The following EMC3 variants were observed in gnomAD, a reference collection of about 807,000 sequenced individuals.
EMC3 encodes ER membrane protein complex subunit 3, also known as 30 kDa protein.
A neutral mutation model predicts 36.6 loss-of-function variants in EMC3; 13 were observed. The ratio of observed to expected loss-of-function variants is 0.35; its 90% confidence interval spans 0.23 to 0.56. The LOEUF (loss-of-function observed/expected upper bound fraction) is 0.56, where lower values mean the gene tolerates loss of function less well. EMC3 is among the 20% of genes least tolerant of loss of function. The probability of loss-of-function intolerance (pLI) is 0.84; values close to 1 mark genes in which losing one functional copy is unlikely to be tolerated. For missense variants in EMC3, 220 were observed against 324.5 expected (o/e 0.68, Z 2.47); for synonymous variants, 120 against 111.9 (o/e 1.07, Z -0.46).
In EMC3 at chr3:9,986,789, G is replaced by C. The variant is rs1341408270; in HGVS notation, c.-128C>G. Reference sequence around the variant, plus strand: ...TGCCCGTGTACCCCAGAACTCTCCTGCGACTGTGAGCCGAGCTTACTGCCT... The same window carrying C: ...TGCCCGTGTACCCCAGAACTCTCCTCCGACTGTGAGCCGAGCTTACTGCCT... On this transcript the variant is annotated 5_prime_UTR_variant, in exon 1 of 8. Transcript: ENST00000245046. 1 of 1,473,992 alleles carries C rather than the reference G, an allele frequency of 6.8e-7. No individual in the cohort carries two copies. The highest frequency in any genetic ancestry group is 9.0e-7 in the Non-Finnish European group (1 of 1,112,212). 91.3% of individuals were successfully genotyped at this position (1,473,992 alleles called of 1,614,324 possible). A position where few individuals can be genotyped will look rare whatever the true frequency, so the allele number is the denominator to read the frequency against.
intron 1 of EMC3, chr3:10,000,663 G>A: frequency 1.3e-5 from 6 of 477,508 alleles, no homozygotes; most frequent in Non-Finnish European, 2.5e-5. Context: ...GCTTTTTTAA[G>A]ATAAGCTATC....
In EMC3 at chr3:9,986,748, C is replaced by G; in HGVS notation, c.-87G>C. The G allele has an allele frequency of 1.9e-6, 3 of 1,567,296 alleles. No individual in the cohort carries two copies. The highest frequency in any genetic ancestry group is 2.6e-6 in the Non-Finnish European group (3 of 1,157,352). ...GCTTCTCTTCGGCTTCGCCTCCGGGCCTTCTCAAGCCCCTTTGCCCGTGTA... is the reference window on the plus strand; with the variant it reads ...GCTTCTCTTCGGCTTCGCCTCCGGGGCTTCTCAAGCCCCTTTGCCCGTGTA... On this transcript the variant is annotated 5_prime_UTR_variant, in exon 1 of 8. Transcript: ENST00000245046.
At chr3:10,000,602 G>C in intron 1 of EMC3, 1 of 426,866 alleles carries the variant, frequency 2.3e-6, no homozygotes, top group South Asian at 1.7e-5. Context: ...ACAGTCATGA[G>C]ACATTTGTTT....
chr3:9,969,619 G>A (rs764589590), intron 7 of EMC3, 100 bp downstream of exon 7: 11 of 1,586,050 alleles, frequency 6.9e-6, no homozygotes, highest in East Asian at 6.9e-5. Context: ...TTAAAACGAT[G>A]GAACCACACA....
intron 1 of EMC3, among the ~76,000 whole-genome samples, chr3:10,001,789 A>T (rs2086203636): frequency 6.6e-6 from 1 of 152,052 alleles, no homozygotes; most frequent in Non-Finnish European, 1.5e-5. Flanking sequence ...CGAGTTCAGG[A>T]GACTGAGACC....
At chr3:9,969,127 T>G in intron 7 of EMC3, 3 of 167,264 alleles carry the variant, frequency 1.8e-5, no homozygotes, top group Non-Finnish European at 3.7e-5. Flanking sequence ...ACCTGGCCCA[T>G]TTTTGTATTT....
chr3:9,973,233 C>T (rs535817109), intron 5 of EMC3, among the ~76,000 whole-genome samples: 16 of 151,154 alleles, frequency 1.1e-4, no homozygotes, highest in African/African-American at 2.7e-4. Context: ...CTCGCTCTGT[C>T]GCCCAGGCTG....
intron 3 of EMC3, among the ~76,000 whole-genome samples, chr3:9,976,388 C>T (rs2085850549): frequency 1.3e-5 from 2 of 152,174 alleles, no homozygotes; most frequent in African/African-American, 2.4e-5. Flanking sequence ...GGATTATAGG[C>T]GTGAGCCACC....
chr3:9,992,345 C>T (rs1360778536), intron 1 of EMC3, among the ~76,000 whole-genome samples: 4 of 152,006 alleles, frequency 2.6e-5, no homozygotes, highest in Non-Finnish European at 4.4e-5. Flanking sequence ...AGGCTGGTCT[C>T]GAACTCCTAA....
chr3:9,986,804 G>C lies in EMC3; in HGVS notation c.-143C>G. Reference sequence around the variant, plus strand: ...GAACTCTCCTGCGACTGTGAGCCGAGCTTACTGCCTTCAGCTGGGCTGCCT... The same window carrying C: ...GAACTCTCCTGCGACTGTGAGCCGACCTTACTGCCTTCAGCTGGGCTGCCT... On this transcript the variant is annotated 5_prime_UTR_variant, in exon 1 of 8. Coordinates refer to ENST00000245046, the MANE Select transcript of EMC3 (RefSeq NM_001394674.1). 2.8e-6 allele frequency: 4 copies of C among 1,447,770 alleles called. No homozygotes were observed. The highest frequency in any genetic ancestry group is 1.4e-5 in the African/African-American group (1 of 70,394). The allele number at this position is 1,447,770 out of a possible 1,614,324, so 89.7% of individuals were successfully genotyped here.
rs760716466 is a variant in EMC3, at chr3:9,982,692, G to A, written c.155+3815C>T. 4.6e-5 allele frequency among the ~76,000 whole-genome samples: 7 copies of A among 151,942 alleles called. No homozygotes were observed. The East Asian group carries it at 9.6e-4, about 21-fold the overall frequency. ...CACTTGAGCTCAGGAGTTTGAGACC[G>A]GCCTGGGCAACGGAGGAGACCCCAT... On this transcript the variant is annotated intron_variant, in intron 1 of 7. Coordinates refer to ENST00000245046, the MANE Select transcript of EMC3 (RefSeq NM_001394674.1).
chr3:9,970,145 A>G (rs1559349613), intron 6 of EMC3, among the ~76,000 whole-genome samples: 1 of 152,240 alleles, frequency 6.6e-6, no homozygotes, highest in Non-Finnish European at 1.5e-5. Flanking sequence ...GTTAACTAAT[A>G]AAGTCCTTAT....
intron 1 of EMC3, among the ~76,000 whole-genome samples, chr3:9,984,137 A>G (rs946592689): frequency 6.6e-6 from 1 of 150,608 alleles, no homozygotes; most frequent in African/African-American, 2.5e-5. Context: ...GCTGGAGTGC[A>G]GTGGCATGAT....
At chr3:9,966,970 C>A (rs2085741763) in intron 7 of EMC3, among the ~76,000 whole-genome samples, 1 of 152,158 alleles carries the variant, frequency 6.6e-6, no homozygotes, top group Non-Finnish European at 1.5e-5. Flanking sequence ...TAATGACATT[C>A]ACAATGTGTA....
upstream of EMC3, among the ~76,000 whole-genome samples, chr3:9,991,075 G>A (rs1196465212): frequency 2.0e-5 from 3 of 151,858 alleles, no homozygotes; most frequent in Non-Finnish European, 4.4e-5. Flanking sequence ...TGATCTGCCC[G>A]CCTTGGCCTC....
rs947948548 is a variant in EMC3, at chr3:9,970,520, G to T, written c.574+62C>A. On this transcript the variant is annotated intron_variant, in intron 6 of 7. Transcript: ENST00000245046. ...CAGCACAACCTACAAGACTTTTCTGGCTCTAATATGGATGATTCATCTATG... is the reference window on the plus strand; with the variant it reads ...CAGCACAACCTACAAGACTTTTCTGTCTCTAATATGGATGATTCATCTATG... The T allele has an allele frequency of 1.2e-5, 18 of 1,540,114 alleles. No individual in the cohort carries two copies. The South Asian group carries it at 1.6e-4, about 13-fold the overall frequency.
intron 1 of EMC3, chr3:10,003,202 CT>C: frequency 2.2e-6 from 1 of 456,726 alleles, no homozygotes; most frequent in Non-Finnish European, 4.4e-6. Context: ...AGAAATGTCC[CT>C]GACACAGCAA....
At chr3:9,987,304 C>T (rs28366039), upstream of EMC3, 1 of 985,148 alleles carries the variant, frequency 1.0e-6, no homozygotes, top group Middle Eastern at 5.2e-4. Flanking sequence ...CTCGAGGCCC[C>T]GCTCCCCTGC....
rs2085714841 is a variant in EMC3 at position 9,964,108 on chromosome 3, T to C, written c.747A>G (p.Glu249=). Residue 249 remains glutamate, a synonymous_variant, in exon 8 of 8, where the codon GAA becomes GAG. Transcript: ENST00000245046. ...EELMAKDLHF[E]GMFKKELQTS... Reference sequence around the variant, plus strand: ...TCTGTAATTCCTTTTTGAACATGCCTTCGAAGTGGAGGTCTTTGGCCATGA... The same window carrying C: ...TCTGTAATTCCTTTTTGAACATGCCCTCGAAGTGGAGGTCTTTGGCCATGA... 6.2e-7 allele frequency: 1 copy of C among 1,614,088 alleles called. No individual in the cohort carries two copies. Among genetic ancestry groups the C allele is most frequent in the African/African-American group, 1.3e-5 (1 of 74,920 alleles).
Sources: gnomAD v4.1 joint callset for allele counts (sites outside exome capture counted in the v4.1 genomes callset) on GRCh38, gnomAD v4.1.1 for gene constraint, MANE v1.5 for transcripts, NCBI Gene and HGNC (gene_info 2026-07-23, HGNC 2026-07-21) for gene names.